MAPK9: variants seen among roughly 807,000 people sequenced by gnomAD.
The protein encoded by MAPK9 is Jun kinase.
A neutral mutation model predicts 57.1 loss-of-function variants in MAPK9; 30 were observed. The observed-to-expected ratio is 0.53, with a 90% CI of 0.39 to 0.71. The LOEUF is 0.71. Ranked by LOEUF, MAPK9 falls within the 30% of genes least tolerant of loss-of-function variation. MAPK9 has a pLI of 0.00. For synonymous variants in MAPK9, 155 were observed against 177.0 expected (o/e 0.88, Z 0.99); for missense variants, 362 against 521.0 (o/e 0.69, Z 2.97).
chr5:180,244,840 G>A (rs1455023025), intron 7 of MAPK9, among the ~76,000 whole-genome samples: 1 of 150,228 alleles, frequency 6.7e-6, no homozygotes, highest in Non-Finnish European at 1.5e-5. Context: ...CTAATTCCCA[G>A]CCTCTCATTT....
intron 1 of MAPK9, among the ~76,000 whole-genome samples, chr5:180,285,898 G>A (rs777333903): frequency 6.6e-6 from 1 of 151,652 alleles, no homozygotes. Flanking sequence ...CTAACATGGT[G>A]AAACTCCGTC....
At chr5:180,278,630 C>A (rs1226938915) in intron 2 of MAPK9, among the ~76,000 whole-genome samples, 1 of 152,020 alleles carries the variant, frequency 6.6e-6, no homozygotes, top group Non-Finnish European at 1.5e-5. Flanking sequence ...ACCCAGGAGG[C>A]GGAGGCTACA....
intron 2 of MAPK9, among the ~76,000 whole-genome samples, chr5:180,270,502 T>C (rs3095944): frequency 0.28 from 42,356 of 152,174 alleles, 6,464 homozygotes; most frequent in East Asian, 0.42. Flanking sequence ...AAACAAGTCA[T>C]TGACATACAT....
At chr5:180,241,361 A>G (rs1224837410) in intron 8 of MAPK9, among the ~76,000 whole-genome samples, 1 of 150,890 alleles carries the variant, frequency 6.6e-6, no homozygotes, top group Non-Finnish European at 1.5e-5. Flanking sequence ...GCAGTGGCGC[A>G]ATCTTGGCTC....
Position 180,241,093 on chromosome 5 carries a change from C to T in MAPK9, c.934G>A (p.Val312Ile), listed in dbSNP as rs765531121. The change falls in exon 9 of 12, where the codon GTA (valine) becomes ATA (isoleucine). Residue 312 changes from valine to isoleucine, a missense_variant. By Grantham distance (29) the Val-to-Ile change is conservative (BLOSUM62 3). Transcript: ENST00000452135. ...LVIDPDKRIS[V>I]DEALRHPYIT... Reference sequence around the variant, plus strand: ...TATGGGTGACGCAGAGCTTCGTCTACAGAGATCCGCTTGTCAGGATCAATC... The same window carrying T: ...TATGGGTGACGCAGAGCTTCGTCTATAGAGATCCGCTTGTCAGGATCAATC... 2 of 1,614,122 alleles carry T rather than the reference C, an allele frequency of 1.2e-6. No individual in the cohort carries two copies. Among genetic ancestry groups the T allele is most frequent in the East Asian group, 2.2e-5 (1 of 44,874 alleles).
intron 1 of MAPK9, among the ~76,000 whole-genome samples, chr5:180,289,857 T>C (rs1763080490): frequency 6.6e-6 from 1 of 152,050 alleles, no homozygotes; most frequent in African/African-American, 2.4e-5. Flanking sequence ...AAATGTGGAG[T>C]GCTGCCTTCC....
At chr5:180,244,351 T>G (rs1757905715) in intron 7 of MAPK9, among the ~76,000 whole-genome samples, 1 of 152,174 alleles carries the variant, frequency 6.6e-6, no homozygotes, top group Non-Finnish European at 1.5e-5. Context: ...CATCGACATT[T>G]TGCACTCTAC....
intron 3 of MAPK9, among the ~76,000 whole-genome samples, chr5:180,267,430 C>G (rs527933369): frequency 6.6e-6 from 1 of 151,616 alleles, no homozygotes; most frequent in Non-Finnish European, 1.5e-5. Context: ...GGTGTGGTGG[C>G]GGGCACCTGT....
chr5:180,268,385 T>A (rs1377926932), intron 3 of MAPK9, among the ~76,000 whole-genome samples: 1 of 152,248 alleles, frequency 6.6e-6, no homozygotes, highest in Non-Finnish European at 1.5e-5. Context: ...CCACAAAATA[T>A]TTAGTTGTTT....
rs539781678 is a variant in MAPK9, at chr5:180,269,011, C to T, written c.252+269G>A. Among the ~76,000 whole-genome samples, 301 of 151,238 alleles carry T rather than the reference C, an allele frequency of 2.0e-3. 1 individual carries two copies. Among genetic ancestry groups the T allele is most frequent in the Non-Finnish European group, 3.2e-3 (217 of 67,876 alleles). On this transcript the variant is annotated intron_variant, in intron 3 of 11. Transcript: ENST00000452135. ...AAAATTAGCCGGGCGTGGTGGCAGG[C>T]GCCTGTAGTCCCAGCTACTTGGGAG...
intron 10 of MAPK9, among the ~76,000 whole-genome samples, chr5:180,239,601 A>G (rs1306166283): frequency 1.3e-5 from 2 of 152,248 alleles, no homozygotes; most frequent in Non-Finnish European, 2.9e-5. Context: ...AAACATATGT[A>G]CAACTACATG....
chr5:180,282,415 T>C (rs1762389178), intron 1 of MAPK9, among the ~76,000 whole-genome samples: 1 of 152,170 alleles, frequency 6.6e-6, no homozygotes, highest in Non-Finnish European at 1.5e-5. Flanking sequence ...AGTGAGTCCA[T>C]TATCTATATT....
intron 5 of MAPK9, among the ~76,000 whole-genome samples, chr5:180,254,726 C>A (rs533657308): frequency 6.6e-6 from 1 of 152,214 alleles, no homozygotes; most frequent in Admixed American, 6.5e-5. Context: ...AAACCCAAAA[C>A]CACAGCACTT....
In MAPK9 at chr5:180,292,000, G is replaced by A. The variant is rs1763318425; in HGVS notation, c.-200C>T. The A allele has an allele frequency of 5.7e-5, 9 of 157,984 alleles. No individual in the cohort carries two copies. The South Asian group carries it at 1.6e-3, about 27-fold the overall frequency. The allele number at this position is 157,984 out of a possible 1,614,324, so 9.8% of individuals were successfully genotyped here. Reference sequence around the variant, plus strand: ...CGCCGCCGCCGCCGCCGCCGCCGCAGTGGGTGTGAGGGGCGCCGGGGCGCT... The same window carrying A: ...CGCCGCCGCCGCCGCCGCCGCCGCAATGGGTGTGAGGGGCGCCGGGGCGCT... On this transcript the variant is annotated 5_prime_UTR_variant, in exon 1 of 12. Transcript: ENST00000452135.
intron 1 of MAPK9, among the ~76,000 whole-genome samples, chr5:180,281,280 C>T (rs1486083995): frequency 1.3e-5 from 2 of 152,220 alleles, no homozygotes; most frequent in Admixed American, 6.5e-5. Flanking sequence ...AAGAACTCTG[C>T]TGTGACTGAC....
chr5:180,256,302 T>C (rs1336910672), intron 5 of MAPK9, among the ~76,000 whole-genome samples: 1 of 152,068 alleles, frequency 6.6e-6, no homozygotes, highest in Non-Finnish European at 1.5e-5. Context: ...AGTGTGTCTA[T>C]CTCTGTGCAT....
rs1034299883 is a variant in MAPK9, at chr5:180,247,311, C to T, written c.688+128G>A. ...ACACTAATTAACAAATACAGTAAAG[C>T]CCCCCTTAGAACACAGTCTGGAGTG... is the stretch of plus-strand genomic sequence containing the variant. On this transcript the variant is annotated intron_variant, in intron 7 of 11. Transcript: ENST00000452135. The surrounding 1 kb of genome is among the most constrained non-coding windows in gnomAD (Gnocchi z 4.5). 2 of 955,252 alleles carry T rather than the reference C, an allele frequency of 2.1e-6. No homozygotes were observed. The highest frequency in any genetic ancestry group is 1.6e-5 in the African/African-American group (1 of 60,886). The allele number at this position is 955,252 out of a possible 1,614,324, so 59.2% of individuals were successfully genotyped here. A position where few individuals can be genotyped will look rare whatever the true frequency, so the allele number is the denominator to read the frequency against.
rs1189352277 is a variant in MAPK9 at position 180,234,844 on chromosome 5, G to A, written c.*1540C>T. On this transcript the variant is annotated 3_prime_UTR_variant, in exon 12 of 12. Coordinates refer to ENST00000452135, the MANE Select transcript of MAPK9 (RefSeq NM_002752.5). ...CAACCAATAAGATATAACTGGTGCA[G>A]AGAGAGCCATATATTTTACATAATA... 2.6e-5 allele frequency: 4 copies of A among 152,168 alleles called. No homozygotes were observed. Among genetic ancestry groups the A allele is most frequent in the Non-Finnish European group, 2.9e-5 (2 of 68,040 alleles). 9.4% of individuals were successfully genotyped at this position (152,168 alleles called of 1,614,324 possible). A position where few individuals can be genotyped will look rare whatever the true frequency, so the allele number is the denominator to read the frequency against.
chr5:180,268,652 CCT>C (rs1446234316), intron 3 of MAPK9, among the ~76,000 whole-genome samples: 10 of 151,848 alleles, frequency 6.6e-5, no homozygotes, highest in Admixed American at 2.0e-4. Flanking sequence ...GCGGTGAAAC[CCT>C]GTCTCTCCTA....
Sources: allele counts gnomAD v4.1 joint callset (sites outside exome capture counted in the v4.1 genomes callset), GRCh38; gene constraint gnomAD v4.1.1; non-coding constraint Gnocchi (gnomAD v3.1); transcripts MANE v1.5; gene names NCBI Gene and HGNC (gene_info 2026-07-23, HGNC 2026-07-21).